The following SPOCK3 variants were observed in gnomAD, a reference collection of about 807,000 sequenced individuals.
SPOCK3 encodes SPARC (osteonectin), cwcv and kazal like domains proteoglycan 3.
SPOCK3 carries 30 observed loss-of-function variants against 56.6 expected under a neutral mutation model. The ratio of observed to expected loss-of-function variants is 0.53; its 90% CI spans 0.40 to 0.72. The LOEUF (loss-of-function observed/expected upper bound fraction) is 0.72. Ranked by LOEUF, SPOCK3 falls within the 30% of genes least tolerant of loss-of-function variation. The probability of loss-of-function intolerance (pLI) is 0.00; values close to 1 mark genes in which losing one functional copy is unlikely to be tolerated. For missense variants in SPOCK3, 527 were observed against 530.0 expected (o/e 0.99, Z 0.06); for synonymous variants, 196 against 183.3 (o/e 1.07, Z -0.56).
chr4:167,022,330 T>C (rs1434320028), intron 3 of SPOCK3, among the ~76,000 whole-genome samples: 1 of 152,086 alleles, frequency 6.6e-6, no homozygotes, highest in Non-Finnish European at 1.5e-5. Context: ...AAAAATATTA[T>C]CCAGCTTGTC....
At chr4:166,934,534 T>C (rs1260436832) in intron 4 of SPOCK3, among the ~76,000 whole-genome samples, 2 of 152,018 alleles carry the variant, frequency 1.3e-5, no homozygotes, top group Non-Finnish European at 2.9e-5. Context: ...TCACACTTAA[T>C]ATCACCACCC....
At chr4:166,905,624 T>C (rs1481952701) in intron 5 of SPOCK3, among the ~76,000 whole-genome samples, 2 of 151,914 alleles carry the variant, frequency 1.3e-5, no homozygotes, top group Non-Finnish European at 2.9e-5. Context: ...ACATTGAACA[T>C]TGTAGTGGAA....
At chr4:166,768,343 G>A (rs750993522) in intron 7 of SPOCK3, among the ~76,000 whole-genome samples, 8 of 152,148 alleles carry the variant, frequency 5.3e-5, no homozygotes, top group Non-Finnish European at 1.0e-4. Context: ...TTCCTTCCAT[G>A]TTTAGTGCTT....
At chr4:166,765,966 A>G (rs1464459275) in intron 7 of SPOCK3, among the ~76,000 whole-genome samples, 1 of 151,936 alleles carries the variant, frequency 6.6e-6, no homozygotes, top group African/African-American at 2.4e-5. Context: ...ATGGGAGTTC[A>G]CTCATGATTT....
At chr4:167,084,887 A>G (rs1758047204) in intron 2 of SPOCK3, among the ~76,000 whole-genome samples, 1 of 152,084 alleles carries the variant, frequency 6.6e-6, no homozygotes, top group Admixed American at 6.6e-5. Context: ...AACCCATTAT[A>G]TAATAAAAAG....
intron 4 of SPOCK3, among the ~76,000 whole-genome samples, chr4:166,971,863 A>G (rs1745420905): frequency 6.6e-6 from 1 of 152,094 alleles, no homozygotes; most frequent in Non-Finnish European, 1.5e-5. Flanking sequence ...TACTACTACT[A>G]AGGAAACATG....
At chr4:166,811,507 G>A (rs1743794879) in intron 6 of SPOCK3, among the ~76,000 whole-genome samples, 1 of 151,394 alleles carries the variant, frequency 6.6e-6, no homozygotes, top group African/African-American at 2.4e-5. Flanking sequence ...TAATGATGTG[G>A]GGGATTTTAG....
At chr4:166,800,443 G>A (rs1300148854) in intron 6 of SPOCK3, among the ~76,000 whole-genome samples, 1 of 152,028 alleles carries the variant, frequency 6.6e-6, no homozygotes, top group East Asian at 1.9e-4. Flanking sequence ...GTTATCGTAG[G>A]AGAAGACAGC....
chr4:166,857,797 T>G (rs1454245575), intron 6 of SPOCK3, among the ~76,000 whole-genome samples: 1 of 152,212 alleles, frequency 6.6e-6, no homozygotes, highest in East Asian at 1.9e-4. Flanking sequence ...CTAACCACAG[T>G]CCTTCAGGGA....
intron 6 of SPOCK3, among the ~76,000 whole-genome samples, chr4:166,821,703 A>G (rs952189330): frequency 1.3e-5 from 2 of 152,120 alleles, no homozygotes; most frequent in African/African-American, 4.8e-5. Flanking sequence ...AGGAAAATTT[A>G]TAGAGCCAGA....
chr4:167,130,365 T>C (rs937215889), intron 2 of SPOCK3, among the ~76,000 whole-genome samples: 2 of 152,142 alleles, frequency 1.3e-5, no homozygotes, highest in African/African-American at 4.8e-5. Context: ...TTTTATTTAC[T>C]GGAAAAAAGC....
intron 4 of SPOCK3, among the ~76,000 whole-genome samples, chr4:166,955,936 T>C (rs1339581428): frequency 1.3e-5 from 2 of 152,020 alleles, no homozygotes; most frequent in African/African-American, 2.4e-5. Context: ...CCATCCTTCC[T>C]CTTTACAGTC....
In SPOCK3 at chr4:166,811,699, C is replaced by A. The variant is rs79185364; in HGVS notation, c.590-19410G>T. On this transcript the variant is annotated intron_variant, in intron 6 of 10. Transcript: ENST00000357545. ...GTAGTCCTAACCTTGAAGCAGTGAT[C>A]CCAGGAAAATAATGGAAGAGAATTG... Among the ~76,000 whole-genome samples the A allele has an allele frequency of 4.4e-3, 662 of 151,702 alleles. 9 individuals are homozygous for A. The highest frequency in any genetic ancestry group is 0.016 in the African/African-American group (644 of 41,464).
At chr4:167,195,535 C>T (rs1732859433) in intron 2 of SPOCK3, among the ~76,000 whole-genome samples, 1 of 152,094 alleles carries the variant, frequency 6.6e-6, no homozygotes, top group African/African-American at 2.4e-5. Context: ...TGTGTGAGTC[C>T]CTAGCTGGGC....
At chr4:166,850,109 A>G (rs1748521865) in intron 6 of SPOCK3, among the ~76,000 whole-genome samples, 1 of 152,188 alleles carries the variant, frequency 6.6e-6, no homozygotes, top group Non-Finnish European at 1.5e-5. Context: ...CAGAAGTGGA[A>G]TTGCTGGATC....
chr4:167,165,125 C>T (rs1405942872), intron 2 of SPOCK3, among the ~76,000 whole-genome samples: 1 of 151,962 alleles, frequency 6.6e-6, no homozygotes, highest in East Asian at 1.9e-4. Flanking sequence ...TTTTCCTAAA[C>T]AATACCATTC....
intron 7 of SPOCK3, among the ~76,000 whole-genome samples, chr4:166,785,880 C>A (rs1560855072): frequency 1.3e-5 from 2 of 152,090 alleles, no homozygotes; most frequent in Admixed American, 6.6e-5. Context: ...TGTGATTAGA[C>A]TTTTTGGTTT....
In SPOCK3 at chr4:167,175,355, C is replaced by T. The variant is rs911996163; in HGVS notation, c.189+58630G>A. Among the ~76,000 whole-genome samples, 8 of 152,134 alleles carry T rather than the reference C, an allele frequency of 5.3e-5. No homozygotes were observed. In the South Asian group the frequency reaches 6.2e-4, roughly 12 times the overall value. ...AATCACCTTTGTCAAATCAAAGTTA[C>T]GACTAAAATAATCCTTAGATACTTT... On this transcript the variant is annotated intron_variant, in intron 2 of 10. Coordinates refer to ENST00000357545, the MANE Select transcript of SPOCK3 (RefSeq NM_001040159.2).
At chr4:166,737,360 C>A in intron 10 of SPOCK3, 107 bp downstream of exon 10, 1 of 1,231,342 alleles carries the variant, frequency 8.1e-7, no homozygotes, top group Non-Finnish European at 1.1e-6. Context: ...ATTCTACAGT[C>A]TTTGCATAGA....
Sources: gnomAD v4.1 joint callset for allele counts (sites outside exome capture counted in the v4.1 genomes callset) on GRCh38, gnomAD v4.1.1 for gene constraint, MANE v1.5 for transcripts, NCBI Gene and HGNC (gene_info 2026-07-23, HGNC 2026-07-21) for gene names.